The following EIF3B variants were observed in gnomAD, a reference collection of about 807,000 sequenced individuals.
EIF3B encodes the protein eukaryotic translation initiation factor 3 subunit B, also known as eukaryotic translation initiation factor 3 subunit 9.
A neutral mutation model predicts 104.6 loss-of-function variants in EIF3B; 10 were observed. The ratio of observed to expected loss-of-function variants is 0.10; its 90% CI spans 0.06 to 0.16. The LOEUF is 0.16. Ranked by LOEUF, EIF3B falls within the 10% of genes least tolerant of loss-of-function variation. EIF3B has a pLI of 1.00. For missense variants in EIF3B, 1,014 were observed against 1,087.9 expected, an observed-to-expected ratio of 0.93 and a Z score of 0.96; for synonymous variants, 542 against 417.2, an observed-to-expected ratio of 1.30 and a Z score of -3.65.
chr7:2,356,707 C>T (rs948977731), intron 1 of EIF3B, among the ~76,000 whole-genome samples: 2 of 151,600 alleles, frequency 1.3e-5, no homozygotes, highest in African/African-American at 2.4e-5. Context: ...GGCTGAGGCA[C>T]GAGAATCACT....
rs185914371 is a variant in EIF3B, at chr7:2,375,893, C to T, written c.2028+366C>T. 932 of 204,162 alleles carry T rather than the reference C, an allele frequency of 4.6e-3. 7 individuals are homozygous for T. Among genetic ancestry groups the T allele is most frequent in the Admixed American group, 0.013 (241 of 18,488 alleles). The allele number at this position is 204,162 out of a possible 1,614,324, so 12.6% of individuals were successfully genotyped here. On this transcript the variant is annotated intron_variant, in intron 14 of 18. Transcript: ENST00000360876. ...GGGGTCAGTGGTTGAGTCCAGCTGC[C>T]GCGTTACCCACAACTCGTATTCCAA...
chr7:2,368,451 A>G (rs1780149774), intron 9 of EIF3B, among the ~76,000 whole-genome samples: 2 of 152,168 alleles, frequency 1.3e-5, no homozygotes, highest in South Asian at 4.1e-4. Context: ...CGCCCGGCCT[A>G]AGGTGAGTTT....
At chr7:2,363,241 C>A (rs1779834928) in intron 4 of EIF3B, 114 bp downstream of exon 4, 1 of 1,106,064 alleles carries the variant, frequency 9.0e-7, no homozygotes, top group East Asian at 2.4e-5. Flanking sequence ...TCGCTTAAGC[C>A]CAGGAATTCA....
intron 1 of EIF3B, among the ~76,000 whole-genome samples, chr7:2,358,841 C>G (rs574312499): frequency 2.6e-5 from 4 of 152,304 alleles, no homozygotes; most frequent in African/African-American, 7.2e-5. Context: ...GTTCTAAATT[C>G]TGACACGTGA....
intron 16 of EIF3B, 36 bp downstream of exon 16, chr7:2,378,802 A>G: frequency 6.3e-7 from 1 of 1,580,076 alleles, no homozygotes; most frequent in South Asian, 1.1e-5. Context: ...CTGTGCTGTG[A>G]CATCCGCCAT....
chr7:2,355,513 G>A (rs1480274875), intron 1 of EIF3B, 93 bp downstream of exon 1: 1 of 1,385,460 alleles, frequency 7.2e-7, no homozygotes, highest in South Asian at 1.6e-5. Flanking sequence ...CCACCGGTTC[G>A]TGCAGAAGTT....
intron 1 of EIF3B, among the ~76,000 whole-genome samples, chr7:2,356,138 C>G (rs1366142252): frequency 1.3e-5 from 2 of 152,002 alleles, no homozygotes; most frequent in Non-Finnish European, 2.9e-5. Context: ...ATTTGTTTTT[C>G]TTTTGTTTTT....
chr7:2,372,853 C>G (rs544580693), intron 12 of EIF3B, 58 bp downstream of exon 12: 1 of 1,579,916 alleles, frequency 6.3e-7, no homozygotes, highest in Non-Finnish European at 8.6e-7. Flanking sequence ...ATGACCCAGT[C>G]GCTGCCCAAC....
intron 10 of EIF3B, among the ~76,000 whole-genome samples, chr7:2,371,052 G>C (rs1263941086): frequency 6.6e-6 from 1 of 152,178 alleles, no homozygotes; most frequent in African/African-American, 2.4e-5. Flanking sequence ...AACAGAGTGA[G>C]ACTCCGTCTC....
intron 11 of EIF3B, 190 bp downstream of exon 11, chr7:2,372,039 A>C: frequency 1.8e-6 from 1 of 568,718 alleles, no homozygotes; most frequent in Admixed American, 3.0e-5. Context: ...CTCTCTGTAC[A>C]AAAAACAAAT....
intron 15 of EIF3B, chr7:2,378,200 A>T (rs1780769603): frequency 8.1e-6 from 1 of 123,324 alleles, no homozygotes; most frequent in East Asian, 2.6e-4. Context: ...CGCTCCTGGG[A>T]AGCCGTGTTG....
chr7:2,374,583 C>T lies in EIF3B; in HGVS notation c.1866C>T (p.Phe622=), dbSNP rs762355143. The T allele has an allele frequency of 2.7e-5, 43 of 1,614,062 alleles. No homozygotes were observed. The highest frequency in any genetic ancestry group is 1.3e-4 in the Admixed American group (8 of 60,010). Residue 622 remains phenylalanine (F), a synonymous_variant, in exon 13 of 19, where the codon TTC becomes TTT. Transcript: ENST00000360876. ...TCTTCTGGAGCCCCCAAGGACAGTT[C>T]GTGGTGTTGGCGGGCCTGAGGAGGT... ...NTIFWSPQGQ[F]VVLAGLRSMN... is the part of the protein sequence containing the mutation.
chr7:2,354,918 G>C lies in EIF3B; in HGVS notation c.-4G>C. ...GAGCCCTGCGAGTAGGCAGCGTTGG[G>C]CCCATGCAGGACGCGGAGAACGTGG... On this transcript the variant is annotated 5_prime_UTR_variant, in exon 1 of 19. Transcript: ENST00000360876. 8.1e-7 allele frequency: 1 copy of C among 1,227,218 alleles called. No homozygotes were observed. The highest frequency in any genetic ancestry group is 2.2e-5 in the South Asian group (1 of 45,016). 76.0% of individuals were successfully genotyped at this position (1,227,218 alleles called of 1,614,324 possible). A position where few individuals can be genotyped will look rare whatever the true frequency, so the allele number is the denominator to read the frequency against.
At chr7:2,368,381 A>T (rs1780146000) in intron 9 of EIF3B, among the ~76,000 whole-genome samples, 1 of 152,104 alleles carries the variant, frequency 6.6e-6, no homozygotes, top group African/African-American at 2.4e-5. Flanking sequence ...CCTGACCTCA[A>T]GTGATCCGCC....
chr7:2,366,713 T>C, intron 8 of EIF3B, 122 bp downstream of exon 8: 2 of 1,138,824 alleles, frequency 1.8e-6, no homozygotes, highest in Non-Finnish European at 2.5e-6. Flanking sequence ...AGGAAAGGCC[T>C]GTCTCCTGTG....
intron 1 of EIF3B, among the ~76,000 whole-genome samples, chr7:2,357,701 T>G (rs1364512861): frequency 6.6e-6 from 1 of 152,190 alleles, no homozygotes; most frequent in Non-Finnish European, 1.5e-5. Context: ...GGAGACCGCT[T>G]GGGAATCCAT....
Position 2,354,892 on chromosome 7 carries a change from G to C in EIF3B, c.-30G>C. On this transcript the variant is annotated 5_prime_UTR_variant, in exon 1 of 19. Transcript: ENST00000360876. ...GGAGAGTCGGAAGCGCGGCGGCCGC[G>C]GAGCCCTGCGAGTAGGCAGCGTTGG... The C allele has an allele frequency of 1.7e-6, 2 of 1,168,360 alleles. No individual in the cohort carries two copies. The highest frequency in any genetic ancestry group is 2.1e-6 in the Non-Finnish European group (2 of 948,038). The allele number at this position is 1,168,360 out of a possible 1,614,324, so 72.4% of individuals were successfully genotyped here.
chr7:2,371,765 T>G lies in EIF3B; in HGVS notation c.1615-12T>G. 6.2e-7 allele frequency: 1 copy of G among 1,606,128 alleles called. No homozygotes were observed. The highest frequency in any genetic ancestry group is 1.1e-5 in the South Asian group (1 of 90,910). ...TCCAGAATGTCACCCCTTCCCCCTT[T>G]TTTTTAAACAGGGTGTTGTCACAAA... On this transcript the variant is annotated splice_polypyrimidine_tract_variant and intron_variant, in intron 10 of 18. Coordinates refer to ENST00000360876, the MANE Select transcript of EIF3B (RefSeq NM_001037283.2).
In EIF3B at chr7:2,372,896, G is replaced by C. The variant is rs990886107; in HGVS notation, c.1810+101G>C. The C allele has an allele frequency of 1.3e-5, 17 of 1,357,214 alleles. No individual in the cohort carries two copies. In the African/African-American group the frequency reaches 1.7e-4, roughly 14 times the overall value. 84.1% of individuals were successfully genotyped at this position (1,357,214 alleles called of 1,614,324 possible). On this transcript the variant is annotated intron_variant, in intron 12 of 18. Transcript: ENST00000360876. ...ATTTGACTGGCCTAGGACCACTGCT[G>C]GGCAGGCCGGGACTCGCCTATGAAT...
Sources: allele counts gnomAD v4.1 joint callset (sites outside exome capture counted in the v4.1 genomes callset), GRCh38; gene constraint gnomAD v4.1.1; transcripts MANE v1.5; gene names NCBI Gene and HGNC (gene_info 2026-07-23, HGNC 2026-07-21).